The following CD96 variants were observed in gnomAD, a reference collection of about 807,000 sequenced individuals.
CD96 encodes CD96 molecule.
In CD96, 70 loss-of-function variants were observed where a neutral mutation model predicts 71.3. The observed-to-expected ratio is 0.98, with a 90% confidence interval of 0.81 to 1.20. The LOEUF (loss-of-function observed/expected upper bound fraction) is 1.20, where lower values mean the gene tolerates loss of function less well. Ranked by LOEUF, CD96 falls within the 50% of genes most tolerant of loss-of-function variation. CD96 has a pLI of 0.00. For synonymous variants in CD96, 248 were observed against 233.0 expected (o/e 1.06, Z -0.59); for missense variants, 742 against 677.5 (o/e 1.10, Z -1.06).
chr3:111,552,359 G>T (rs1934758189), intron 2 of CD96, among the ~76,000 whole-genome samples: 1 of 152,052 alleles, frequency 6.6e-6, no homozygotes, highest in Non-Finnish European at 1.5e-5. Flanking sequence ...AGCATTCAAA[G>T]TGCCATCTTG....
At chr3:111,596,656 C>G (rs1937274460) in intron 5 of CD96, among the ~76,000 whole-genome samples, 1 of 152,152 alleles carries the variant, frequency 6.6e-6, no homozygotes, top group South Asian at 2.1e-4. Flanking sequence ...CATTTTACCT[C>G]CTTTACCTTT....
chr3:111,665,269 A>G (rs1168623091), intron 14 of CD96, among the ~76,000 whole-genome samples: 2 of 152,062 alleles, frequency 1.3e-5, no homozygotes, highest in Admixed American at 6.6e-5. Context: ...TCCAAGTAGA[A>G]AGTTTAAACA....
At chr3:111,598,045 T>TAC in intron 5 of CD96, 75 bp from the exon 6 acceptor site, 1 of 772,344 alleles carries the variant, frequency 1.3e-6, no homozygotes, top group South Asian at 1.4e-5. Flanking sequence ...CCAACTTATA[T>TAC]GAATGTTAGT....
chr3:111,660,159 A>G (rs1304983716), intron 14 of CD96, among the ~76,000 whole-genome samples: 5 of 152,216 alleles, frequency 3.3e-5, no homozygotes, highest in Non-Finnish European at 7.4e-5. Context: ...CAACTCACAG[A>G]CTAGTATAAT....
chr3:111,579,204 T>C lies in CD96; in HGVS notation c.721T>C (p.Leu241=). The C allele has an allele frequency of 6.2e-7, 1 of 1,607,934 alleles. No homozygotes were observed. Among genetic ancestry groups the C allele is most frequent in the Non-Finnish European group, 8.5e-7 (1 of 1,174,230 alleles). ...CHIRVGPNKI[L]RSSTTVKVFA... is the part of the protein sequence containing the mutation. The stretch of plus-strand genomic sequence containing the variant: ...CATTAGAGTCGGTCCTAACAAAATC[T>C]TGAGGAGCTCCACCACAGTCAAGGT... Residue 241 remains leucine (L), a synonymous_variant, in exon 4 of 14, where the codon TTG becomes CTG. Coordinates refer to ENST00000352690, the MANE Select transcript of CD96 (RefSeq NM_005816.5).
intron 12 of CD96, among the ~76,000 whole-genome samples, chr3:111,647,088 TAAAAAAAA>T (rs11337310): frequency 5.9e-4 from 58 of 98,922 alleles, no homozygotes; most frequent in Middle Eastern, 6.7e-3. Context: ...GGGTAAAGAT[TAAAAAAAA>T]AAAAAAAAAA....
At chr3:111,640,064 A>C (rs1481062260) in intron 12 of CD96, among the ~76,000 whole-genome samples, 1 of 152,196 alleles carries the variant, frequency 6.6e-6, no homozygotes, top group African/African-American at 2.4e-5. Flanking sequence ...ATATGACAAA[A>C]CAAGGCTCTT....
chr3:111,555,838 T>C (rs1445123478), intron 2 of CD96, among the ~76,000 whole-genome samples: 1 of 152,302 alleles, frequency 6.6e-6, no homozygotes, highest in Non-Finnish European at 1.5e-5. Context: ...CCATTTTTTC[T>C]TCAAATATTT....
intron 5 of CD96, among the ~76,000 whole-genome samples, chr3:111,587,337 C>A (rs1365122283): frequency 6.6e-6 from 1 of 151,872 alleles, no homozygotes; most frequent in East Asian, 1.9e-4. Flanking sequence ...GTGGATCTAC[C>A]ATTCTGTGGT....
intron 5 of CD96, chr3:111,592,916 TTAA>T (rs1937060835): frequency 6.6e-6 from 1 of 152,156 alleles, no homozygotes; most frequent in Non-Finnish European, 1.5e-5. Context: ...TGAAACAACT[TTAA>T]TATAAGCAAG....
At chr3:111,561,604 CT>C (rs1247693518) in intron 2 of CD96, among the ~76,000 whole-genome samples, 3 of 144,682 alleles carry the variant, frequency 2.1e-5, no homozygotes, top group Non-Finnish European at 4.6e-5. Flanking sequence ...AACCACTGCT[CT>C]CTTCAAAGCT....
At chr3:111,568,520 C>T (rs1303120616) in intron 3 of CD96, among the ~76,000 whole-genome samples, 1 of 152,174 alleles carries the variant, frequency 6.6e-6, no homozygotes, top group Non-Finnish European at 1.5e-5. Context: ...CTTTTCTCTC[C>T]TTGAAATACT....
chr3:111,566,512 T>C (rs1935720143), intron 2 of CD96, among the ~76,000 whole-genome samples: 1 of 152,154 alleles, frequency 6.6e-6, no homozygotes, highest in African/African-American at 2.4e-5. Flanking sequence ...CATTCATTGG[T>C]AAACAGGATT....
At chr3:111,597,932 T>G (rs575474172) in intron 5 of CD96, among the ~76,000 whole-genome samples, 188 bp from the exon 6 acceptor site, 1 of 152,346 alleles carries the variant, frequency 6.6e-6, no homozygotes, top group Admixed American at 6.5e-5. Flanking sequence ...ATAACATCTC[T>G]ATAGGAGATA....
chr3:111,561,939 A>G (rs1258700107), intron 2 of CD96, among the ~76,000 whole-genome samples: 7 of 151,142 alleles, frequency 4.6e-5, no homozygotes, highest in Admixed American at 3.9e-4. Context: ...CGGTCTGAAA[A>G]GCGCAATATT....
At chr3:111,605,648 A>G (rs1306889762) in intron 7 of CD96, among the ~76,000 whole-genome samples, 2 of 152,174 alleles carry the variant, frequency 1.3e-5, no homozygotes, top group Non-Finnish European at 2.9e-5. Flanking sequence ...AGTGGATCAG[A>G]GCTAGCTATG....
At chr3:111,604,242 C>T (rs987428547) in intron 7 of CD96, among the ~76,000 whole-genome samples, 8 of 152,148 alleles carry the variant, frequency 5.3e-5, no homozygotes, top group African/African-American at 1.7e-4. Flanking sequence ...TTCTGAGAGC[C>T]CTGCCAAGCC....
intron 4 of CD96, among the ~76,000 whole-genome samples, chr3:111,580,398 T>C (rs1199621567): frequency 1.3e-5 from 2 of 152,040 alleles, no homozygotes; most frequent in Admixed American, 1.3e-4. Flanking sequence ...GTGACAAAGA[T>C]CTGTGTTTTT....
chr3:111,620,131 C>T (rs1938448936), intron 8 of CD96, among the ~76,000 whole-genome samples: 1 of 149,860 alleles, frequency 6.7e-6, no homozygotes, highest in Non-Finnish European at 1.5e-5. Context: ...CCTCCGCTGG[C>T]CACAATCTCC....
Sources: gnomAD v4.1 joint callset for allele counts (sites outside exome capture counted in the v4.1 genomes callset) on GRCh38, gnomAD v4.1.1 for gene constraint, MANE v1.5 for transcripts, NCBI Gene and HGNC (gene_info 2026-07-23, HGNC 2026-07-21) for gene names.